The following CNTN1 variants were observed in gnomAD, a reference collection of about 807,000 sequenced individuals.
CNTN1 encodes contactin 1.
In CNTN1, 38 loss-of-function variants were observed where a neutral mutation model predicts 126.4. The ratio of observed to expected loss-of-function variants is 0.30; its 90% CI spans 0.23 to 0.39. CNTN1 has a LOEUF of 0.39. CNTN1 is among the 10% of genes least tolerant of loss of function. CNTN1 has a pLI of 1.00. For missense variants in CNTN1, 1,009 were observed against 1,248.4 expected, an observed-to-expected ratio of 0.81 and a Z score of 2.89; for synonymous variants, 413 against 422.6, an observed-to-expected ratio of 0.98 and a Z score of 0.28.
At chr12:40,825,958 T>G (rs950552110) in intron 1 of CNTN1, among the ~76,000 whole-genome samples, 1 of 152,144 alleles carries the variant, frequency 6.6e-6, no homozygotes, top group Non-Finnish European at 1.5e-5. Context: ...AGTTGCAGTC[T>G]TTGTTTCAGA....
intron 18 of CNTN1, 110 bp downstream of exon 18, chr12:41,014,408 A>T: frequency 9.4e-7 from 1 of 1,068,638 alleles, no homozygotes; most frequent in Non-Finnish European, 1.4e-6. Context: ...CTACTGCACA[A>T]GCAAGAATAT....
chr12:40,797,500 G>A (rs1319868673), intron 1 of CNTN1, among the ~76,000 whole-genome samples: 1 of 151,976 alleles, frequency 6.6e-6, no homozygotes, highest in African/African-American at 2.4e-5. Context: ...TAGTGAGTGG[G>A]GGAAAATAGC....
At chr12:40,855,932 A>G (rs984742462) in intron 1 of CNTN1, among the ~76,000 whole-genome samples, 1 of 152,124 alleles carries the variant, frequency 6.6e-6, no homozygotes, top group African/African-American at 2.4e-5. Flanking sequence ...GTTGCTAGCC[A>G]TTCACTTTCT....
chr12:41,013,939 T>A (rs900552606), intron 17 of CNTN1, among the ~76,000 whole-genome samples: 2 of 152,210 alleles, frequency 1.3e-5, no homozygotes, highest in African/African-American at 4.8e-5. Flanking sequence ...TGGCAAAATC[T>A]TTTTCCAACA....
At chr12:40,876,436 C>A (rs1943670328) in intron 1 of CNTN1, among the ~76,000 whole-genome samples, 1 of 151,902 alleles carries the variant, frequency 6.6e-6, no homozygotes, top group African/African-American at 2.4e-5. Flanking sequence ...TCATAGAACC[C>A]CATGAAAAAA....
chr12:40,938,695 T>C (rs930525258), intron 11 of CNTN1, among the ~76,000 whole-genome samples: 1 of 152,234 alleles, frequency 6.6e-6, no homozygotes, highest in African/African-American at 2.4e-5. Flanking sequence ...TTCACTTTAC[T>C]TTCCTTGTGG....
intron 12 of CNTN1, among the ~76,000 whole-genome samples, chr12:40,939,922 T>C (rs990245047): frequency 1.3e-5 from 2 of 152,136 alleles, no homozygotes; most frequent in African/African-American, 4.8e-5. Context: ...GATTTCAAAG[T>C]GCAAATAATC....
chr12:40,946,194 TA>T (rs1330486847), intron 14 of CNTN1, among the ~76,000 whole-genome samples: 1 of 152,114 alleles, frequency 6.6e-6, no homozygotes, highest in Non-Finnish European at 1.5e-5. Context: ...ACTACAAAGT[TA>T]AACTTCACTG....
At chr12:40,779,029 A>G (rs1939694470) in intron 1 of CNTN1, among the ~76,000 whole-genome samples, 1 of 151,782 alleles carries the variant, frequency 6.6e-6, no homozygotes, top group Non-Finnish European at 1.5e-5. Flanking sequence ...AAAAATATGA[A>G]CAGTCAGGTA....
At chr12:41,007,226 A>T (rs1239749427) in intron 17 of CNTN1, among the ~76,000 whole-genome samples, 1 of 150,818 alleles carries the variant, frequency 6.6e-6, no homozygotes, top group African/African-American at 2.4e-5. Context: ...CGCCCGGCTA[A>T]TTTTTTTGTA....
chr12:41,047,381 T>C (rs1949567794), intron 23 of CNTN1, among the ~76,000 whole-genome samples: 1 of 152,166 alleles, frequency 6.6e-6, no homozygotes, highest in Non-Finnish European at 1.5e-5. Flanking sequence ...CTTCACCTTT[T>C]AACTTTATCT....
intron 6 of CNTN1, among the ~76,000 whole-genome samples, chr12:40,926,603 G>T (rs936176423): frequency 1.3e-5 from 2 of 152,048 alleles, no homozygotes; most frequent in Non-Finnish European, 2.9e-5. Flanking sequence ...GGTGACTCTG[G>T]TTACTGTTTT....
At chr12:40,835,239 G>A (rs1474754510) in intron 1 of CNTN1, among the ~76,000 whole-genome samples, 23 of 152,074 alleles carry the variant, frequency 1.5e-4, no homozygotes, top group Admixed American at 1.5e-3. Flanking sequence ...ATATTCTTAG[G>A]CAATTATTCA....
At chr12:40,858,151 G>A (rs1220056361) in intron 1 of CNTN1, among the ~76,000 whole-genome samples, 1 of 152,222 alleles carries the variant, frequency 6.6e-6, no homozygotes, top group East Asian at 1.9e-4. Context: ...CTTGCTGTCA[G>A]CTCTGAGAGG....
At chr12:40,711,624 C>T (rs183195409) in intron 1 of CNTN1, among the ~76,000 whole-genome samples, 2 of 152,126 alleles carry the variant, frequency 1.3e-5, no homozygotes, top group East Asian at 3.9e-4. Flanking sequence ...TGACCACAGT[C>T]ATTTCTCCTT....
At position 41,064,206 on chromosome 12, in the gene CNTN1, T is replaced by C. The variant is rs551306375; in HGVS notation, c.2981-5753T>C. Among the ~76,000 whole-genome samples, 20 of 151,116 alleles carry C rather than the reference T, an allele frequency of 1.3e-4. No homozygotes were observed. The South Asian group carries it at 4.2e-3, about 31-fold the overall frequency. On this transcript the variant is annotated intron_variant, in intron 23 of 23. Transcript: ENST00000551295. The stretch of plus-strand genomic sequence containing the variant: ...AAAAAAAAAACAATGTGAGGCAAAT[T>C]GTAAAAGAACAAGAGGTGAAAGCCA...
chr12:40,988,340 G>T (rs1948017632), intron 16 of CNTN1, among the ~76,000 whole-genome samples: 1 of 152,132 alleles, frequency 6.6e-6, no homozygotes, highest in Admixed American at 6.6e-5. Context: ...CAAAGATTCT[G>T]CTTGTGTTCG....
chr12:40,749,806 T>C (rs1048752009), intron 1 of CNTN1, among the ~76,000 whole-genome samples: 3 of 151,934 alleles, frequency 2.0e-5, no homozygotes, highest in Non-Finnish European at 4.4e-5. Context: ...ATAGGTGTTG[T>C]GCAGGGCTTC....
intron 1 of CNTN1, among the ~76,000 whole-genome samples, chr12:40,890,609 G>T (rs1455869053): frequency 3.3e-5 from 5 of 151,998 alleles, no homozygotes; most frequent in Admixed American, 2.0e-4. Flanking sequence ...ACAGTATATA[G>T]TCTTTTCATA....
Sources: allele counts gnomAD v4.1 joint callset (sites outside exome capture counted in the v4.1 genomes callset), GRCh38; gene constraint gnomAD v4.1.1; transcripts MANE v1.5; gene names NCBI Gene and HGNC (gene_info 2026-07-23, HGNC 2026-07-21).